MYH14: variants seen among roughly 807,000 people sequenced by gnomAD.
The protein encoded by MYH14 is myosin-14.
In MYH14, 123 loss-of-function variants were observed where a neutral mutation model predicts 255.5. That is an observed-to-expected ratio of 0.48 (90% CI 0.42 to 0.56). The LOEUF (loss-of-function observed/expected upper bound fraction) is 0.56. Among genes scored for constraint, MYH14 ranks in the 20% least tolerant of loss-of-function variants. The pLI is 0.00. For missense variants in MYH14, 2,423 were observed against 2,802.3 expected, an observed-to-expected ratio of 0.86 and a Z score of 3.06; for synonymous variants, 1,095 against 1,161.2, an observed-to-expected ratio of 0.94 and a Z score of 1.16.
rs780006414 is a variant in MYH14 at position 50,278,095 on chromosome 19, T to C, written c.3838T>C (p.Trp1280Arg). Residue 1280 changes from tryptophan to arginine, a missense_variant, in exon 30 of 43, where the codon TGG (tryptophan) becomes CGG (arginine). By Grantham distance (101) the Trp-to-Arg change is moderately radical. Around this residue, in one of 3 missense-constraint regions of MYH14, gnomAD observed 1,513 missense variants for 1,674.8 expected, o/e 0.90. Transcript: ENST00000642316. ...CTTCCCACACCAGGGCAAAGGTGCA[T>C]GGGAGAAGACCCGGCTGGCCCTGGA... ...LEQARRGKGA[W>R]EKTRLALEAE... 1.8e-5 allele frequency: 29 copies of C among 1,585,458 alleles called. No homozygotes were observed. Among genetic ancestry groups the C allele is most frequent in the Non-Finnish European group, 2.5e-5 (29 of 1,160,356 alleles).
Position 50,281,956 on chromosome 19 carries a change from T to C in MYH14, c.4539+114T>C, listed in dbSNP as rs2035741167. The C allele has an allele frequency of 2.6e-6, 3 of 1,167,960 alleles. No homozygotes were observed. The Admixed American group carries it at 7.1e-5, about 28-fold the overall frequency. The allele number at this position is 1,167,960 out of a possible 1,614,324, so 72.3% of individuals were successfully genotyped here. ...TCACGGCTCAACTAGGCAGTTGTAG[T>C]GGACCAGGAAGCAAGACCCTTCTTT... On this transcript the variant is annotated intron_variant, in intron 33 of 42. Coordinates refer to ENST00000642316, the MANE Select transcript of MYH14 (RefSeq NM_001145809.2).
intron 13 of MYH14, 87 bp downstream of exon 13, chr19:50,249,226 T>G: frequency 2.8e-6 from 4 of 1,419,694 alleles, no homozygotes; most frequent in Non-Finnish European, 3.8e-6. Flanking sequence ...CCCTTCTCCC[T>G]GGTCTCTGTC....
rs1054806111 is a variant in MYH14 at position 50,291,042 on chromosome 19, G to A, written c.5121G>A (p.Lys1707=). ...AGGAGGCGGTGAAGCAGCTTCGCAA[G>A]ATGCAGGTAAGAGCCGGCGTGAGCT... ...GKEEAVKQLR[K]MQAQMKELWR... The change falls in exon 36 of 43, where the codon AAG becomes AAA. Residue 1707 remains lysine, a synonymous_variant. Transcript: ENST00000642316. 5.0e-6 allele frequency: 8 copies of A among 1,612,826 alleles called. No individual in the cohort carries two copies. The highest frequency in any genetic ancestry group is 6.8e-6 in the Non-Finnish European group (8 of 1,179,636).
In MYH14 at chr19:50,292,313, A is replaced by G; in HGVS notation, c.5180A>G (p.Glu1727Gly). The G allele has an allele frequency of 1.9e-6, 3 of 1,598,684 alleles. No individual in the cohort carries two copies. Among genetic ancestry groups the G allele is most frequent in the South Asian group, 1.1e-5 (1 of 87,944 alleles). The change falls in exon 37 of 43, where the codon GAG (glutamate) becomes GGG (glycine). Residue 1727 changes from glutamate to glycine, a missense_variant. Physicochemically the swap from Glu to Gly is moderately conservative, Grantham distance 98. Coordinates refer to ENST00000642316, the MANE Select transcript of MYH14 (RefSeq NM_001145809.2). ...REVEETRTSREEIFSQNRESE... is the reference protein window; with the variant it reads ...REVEETRTSRGEIFSQNRESE... ...GTGGAGGAGACACGCACCTCCCGGG[A>G]GGAGATCTTCTCCCAGAATCGGGAA...
intron 34 of MYH14, among the ~76,000 whole-genome samples, chr19:50,288,279 T>G (rs984017227): frequency 6.6e-6 from 1 of 152,050 alleles, no homozygotes; most frequent in Admixed American, 6.6e-5. Context: ...CTTCTAGGAG[T>G]CCAATGGGTG....
At chr19:50,232,147 T>A (rs2033430459) in intron 10 of MYH14, 77 bp downstream of exon 10, 1 of 1,568,846 alleles carries the variant, frequency 6.4e-7, no homozygotes, top group African/African-American at 1.3e-5. Flanking sequence ...CATGCCCCGA[T>A]CTCTTTGAGC....
intron 10 of MYH14, among the ~76,000 whole-genome samples, chr19:50,236,721 A>G (rs1045398724): frequency 6.6e-6 from 1 of 152,172 alleles, no homozygotes; most frequent in African/African-American, 2.4e-5. Context: ...AAAAAAGAAA[A>G]AAAAGAAATG....
intron 39 of MYH14, among the ~76,000 whole-genome samples, chr19:50,299,577 A>C (rs569634517): frequency 2.7e-4 from 41 of 150,028 alleles, no homozygotes; most frequent in Middle Eastern, 3.5e-3. Flanking sequence ...TCTCAAAAAA[A>C]AAAAAAAAAA....
At chr19:50,302,113 TAAAAAAAA>T (rs765650409) in intron 40 of MYH14, among the ~76,000 whole-genome samples, 1 of 54,576 alleles carries the variant, frequency 1.8e-5, no homozygotes, top group Non-Finnish European at 3.4e-5. Context: ...ACCTCATCTC[TAAAAAAAA>T]AAAAAAAAAA....
At chr19:50,270,757 C>T (rs988779421) in intron 24 of MYH14, among the ~76,000 whole-genome samples, 20 of 151,504 alleles carry the variant, frequency 1.3e-4, no homozygotes, top group African/African-American at 4.9e-4. Context: ...TGCAGTGGCG[C>T]GATTTCAGCT....
chr19:50,309,385 C>T (rs1305155645), intron 42 of MYH14: 5 of 622,426 alleles, frequency 8.0e-6, no homozygotes, highest in Non-Finnish European at 1.4e-5. Flanking sequence ...CATCTCTGTG[C>T]CCTCCTTTCC....
chr19:50,292,986 C>G (rs556110898), intron 37 of MYH14, among the ~76,000 whole-genome samples: 1 of 151,834 alleles, frequency 6.6e-6, no homozygotes, highest in Admixed American at 6.6e-5. Context: ...GAGAGGAGGA[C>G]CTGTGTGCAG....
At chr19:50,234,766 G>A (rs2033580892) in intron 10 of MYH14, among the ~76,000 whole-genome samples, 1 of 152,152 alleles carries the variant, frequency 6.6e-6, no homozygotes, top group South Asian at 2.1e-4. Flanking sequence ...GCCCTGCTGT[G>A]TGGCAGGCGC....
chr19:50,267,623 A>AAAAAATAATAATAATAATAATAAT (rs138463829), intron 23 of MYH14, among the ~76,000 whole-genome samples: 50 of 149,212 alleles, frequency 3.4e-4, no homozygotes, highest in Middle Eastern at 6.8e-3. Flanking sequence ...TCTGTCTCAA[A>AAAAAATAATAATAATAATAATAAT]AATAATAATA....
In MYH14 at chr19:50,250,641, C is replaced by A; in HGVS notation, c.1783C>A (p.His595Asn). 6.2e-7 allele frequency: 1 copy of A among 1,613,964 alleles called. No homozygotes were observed. Among genetic ancestry groups the A allele is most frequent in the Non-Finnish European group, 8.5e-7 (1 of 1,179,868 alleles). Residue 595 changes from histidine (H) to asparagine (N), a missense_variant, in exon 15 of 43, where the codon CAC becomes AAC. This residue lies in a region of MYH14 where 672 missense variants were observed against 881.8 expected (regional missense o/e 0.76). Transcript: ENST00000642316. This position sits in a 1 kb window ranked among gnomAD's most constrained non-coding sequence, Gnocchi z 5.4. ...GGHPKFQRPR[H>N]LRDQADFSVL... ...CCACCCCAAGTTCCAGCGGCCGAGG[C>A]ACCTGCGGGATCAGGCCGACTTCAG... is the stretch of plus-strand genomic sequence containing the variant.
Position 50,309,642 on chromosome 19 carries a change from G to A in MYH14, c.5963G>A (p.Arg1988His), listed in dbSNP as rs376315069. Residue 1988 changes from arginine (R) to histidine (H), a missense_variant and splice_region_variant, in exon 43 of 43, where the codon CGC becomes CAC. By Grantham distance (29) the Arg-to-His change is conservative. Coordinates refer to ENST00000642316, the MANE Select transcript of MYH14 (RefSeq NM_001145809.2). ...ATCCTGGTCTCTCCTCCCCACAGAC[G>A]CGGCCCCCTCACCTTCACCACCCGC... ...EVTTLRNRLR[R>H]GPLTFTTRTV... 39 of 1,465,980 alleles carry A rather than the reference G, an allele frequency of 2.7e-5. No homozygotes were observed. The highest frequency in any genetic ancestry group is 3.3e-5 in the Non-Finnish European group (36 of 1,097,302). 90.8% of individuals were successfully genotyped at this position (1,465,980 alleles called of 1,614,324 possible).
intron 30 of MYH14, among the ~76,000 whole-genome samples, chr19:50,278,495 G>A (rs1047623940): frequency 1.3e-5 from 2 of 151,920 alleles, no homozygotes; most frequent in African/African-American, 2.4e-5. Flanking sequence ...GAGCCCAGGA[G>A]TTCGAGACCA....
intron 39 of MYH14, among the ~76,000 whole-genome samples, chr19:50,295,228 G>A (rs933536663): frequency 6.6e-6 from 1 of 152,134 alleles, no homozygotes; most frequent in South Asian, 2.1e-4. Flanking sequence ...GGGAGGCTGA[G>A]GCAGGAGAAT....
intron 6 of MYH14, 34 bp from the exon 7 acceptor site, chr19:50,225,551 A>G (rs777020132): frequency 2.7e-5 from 42 of 1,583,674 alleles, no homozygotes; most frequent in Non-Finnish European, 2.6e-6. Flanking sequence ...CCCCATTCTC[A>G]CTGACCTCAT....
Sources: gnomAD v4.1 joint callset for allele counts (sites outside exome capture counted in the v4.1 genomes callset) on GRCh38, gnomAD v4.1.1 for gene constraint, gnomAD v4.1.1 regional missense constraint, Gnocchi (gnomAD v3.1) non-coding constraint, MANE v1.5 for transcripts, NCBI Gene and HGNC (gene_info 2026-07-23, HGNC 2026-07-21) for gene names.